The following SRP68 variants were observed in gnomAD, a reference collection of about 807,000 sequenced individuals.
The protein encoded by SRP68 is signal recognition particle subunit SRP68.
A neutral mutation model predicts 82.2 loss-of-function variants in SRP68; 15 were observed. The observed-to-expected ratio is 0.18, with a 90% CI of 0.12 to 0.28. The LOEUF is 0.28. Ranked by LOEUF, SRP68 falls within the 10% of genes least tolerant of loss-of-function variation. The pLI, the probability that SRP68 is intolerant of heterozygous loss-of-function variation, is 1.00. For missense variants in SRP68, 595 were observed against 780.5 expected (o/e 0.76, Z 2.83); for synonymous variants, 261 against 292.6 (o/e 0.89, Z 1.10).
In SRP68 at chr17:76,072,095, G is replaced by A; in HGVS notation, c.184+213C>T. On this transcript the variant is annotated intron_variant, in intron 1 of 15. Transcript: ENST00000307877. This position sits in a 1 kb window ranked among gnomAD's most constrained non-coding sequence, Gnocchi z 4.5. ...ATATCCCAGTGCCACTGGAAGAAAC[G>A]GACCTAGCCAGGACGGCGAGGGGGA... 1 of 912,266 alleles carries A rather than the reference G, an allele frequency of 1.1e-6. No individual in the cohort carries two copies. The highest frequency in any genetic ancestry group is 2.9e-5 in the Admixed American group (1 of 34,166). The allele number at this position is 912,266 out of a possible 1,614,324, so 56.5% of individuals were successfully genotyped here.
intron 8 of SRP68, chr17:76,053,495 A>G: frequency 7.1e-6 from 7 of 985,336 alleles, no homozygotes; most frequent in Non-Finnish European, 8.4e-6. Context: ...GGTACAGTTC[A>G]AGTTTAAAAC....
Position 76,039,640 on chromosome 17 carries a change from T to C in SRP68, c.*66A>G, listed in dbSNP as rs1055749719. On this transcript the variant is annotated 3_prime_UTR_variant, in exon 16 of 16. Transcript: ENST00000307877. ...GACCTGGATTTAATATCATGGAACTTGCTGGGATTTTCTCACAATACAGAT... is the reference window on the plus strand; with the variant it reads ...GACCTGGATTTAATATCATGGAACTCGCTGGGATTTTCTCACAATACAGAT... The C allele has an allele frequency of 1.3e-5, 19 of 1,496,642 alleles. No homozygotes were observed. Among genetic ancestry groups the C allele is most frequent in the Middle Eastern group, 1.7e-4 (1 of 5,812 alleles). 92.7% of individuals were successfully genotyped at this position (1,496,642 alleles called of 1,614,324 possible). A position where few individuals can be genotyped will look rare whatever the true frequency, so the allele number is the denominator to read the frequency against.
In SRP68 at chr17:76,072,166, A is replaced by T; in HGVS notation, c.184+142T>A. 7.2e-6 allele frequency: 10 copies of T among 1,392,420 alleles called. No individual in the cohort carries two copies. Among genetic ancestry groups the T allele is most frequent in the Non-Finnish European group, 8.7e-6 (9 of 1,028,808 alleles). 86.3% of individuals were successfully genotyped at this position (1,392,420 alleles called of 1,614,324 possible). ...GAGACAGACCCCCCCCGGAATTCTGAGCACCAAAAGGTAAGGGCGAGAGAA... is the reference window on the plus strand; with the variant it reads ...GAGACAGACCCCCCCCGGAATTCTGTGCACCAAAAGGTAAGGGCGAGAGAA... On this transcript the variant is annotated intron_variant, in intron 1 of 15. Transcript: ENST00000307877. The surrounding 1 kb of genome is among the most constrained non-coding windows in gnomAD (Gnocchi z 4.5).
intron 6 of SRP68, chr17:76,060,630 G>T (rs1340025779): frequency 1.5e-5 from 7 of 462,662 alleles, no homozygotes; most frequent in African/African-American, 2.0e-5. Flanking sequence ...CAAACCCATA[G>T]AATGTACAAC....
intron 3 of SRP68, among the ~76,000 whole-genome samples, chr17:76,065,623 T>C (rs1235107460): frequency 1.3e-5 from 2 of 151,984 alleles, no homozygotes; most frequent in East Asian, 3.9e-4. Flanking sequence ...AGCTTTACAG[T>C]TCCTAGACTG....
At chr17:76,051,141 T>A (rs1393216410) in intron 8 of SRP68, among the ~76,000 whole-genome samples, 1 of 152,230 alleles carries the variant, frequency 6.6e-6, no homozygotes, top group Non-Finnish European at 1.5e-5. Context: ...TGCACTCAGA[T>A]ATTCCACATG....
At chr17:76,052,653 A>T (rs891615283) in intron 8 of SRP68, among the ~76,000 whole-genome samples, 9 of 151,764 alleles carry the variant, frequency 5.9e-5, no homozygotes, top group Admixed American at 4.6e-4. Context: ...AAATACAAAA[A>T]ATTAGCTGGG....
chr17:76,070,627 G>A (rs1188851581), intron 1 of SRP68, among the ~76,000 whole-genome samples, 183 bp from the exon 2 acceptor site: 2 of 152,116 alleles, frequency 1.3e-5, no homozygotes, highest in African/African-American at 4.8e-5. Flanking sequence ...TATCACCTGA[G>A]GTCAGGAGTT....
At chr17:76,070,283 T>C in intron 2 of SRP68, 95 bp downstream of exon 2, 2 of 923,092 alleles carry the variant, frequency 2.2e-6, no homozygotes, top group Non-Finnish European at 3.4e-6. Flanking sequence ...CTAGACTTTC[T>C]AGCATATTTG....
At chr17:76,069,221 C>G (rs2066830189) in intron 2 of SRP68, among the ~76,000 whole-genome samples, 2 of 150,960 alleles carry the variant, frequency 1.3e-5, no homozygotes, top group South Asian at 4.2e-4. Flanking sequence ...AACCCCATCT[C>G]TACTAAAAAT....
intron 2 of SRP68, among the ~76,000 whole-genome samples, chr17:76,068,555 C>G (rs770601980): frequency 9.2e-5 from 14 of 151,766 alleles, no homozygotes; most frequent in Non-Finnish European, 1.6e-4. Context: ...TAAGATGACA[C>G]CAAACATATG....
intron 2 of SRP68, 34 bp from the exon 3 acceptor site, chr17:76,067,364 A>T: frequency 2.1e-6 from 3 of 1,457,932 alleles, no homozygotes; most frequent in African/African-American, 1.4e-5. Flanking sequence ...TCACTCAGCC[A>T]AGCTGAGAGT....
chr17:76,062,977 A>G lies in SRP68; in HGVS notation c.561+999T>C, dbSNP rs556893085. Among the ~76,000 whole-genome samples, 531 of 150,606 alleles carry G rather than the reference A, an allele frequency of 3.5e-3. 1 individual carries two copies. Among genetic ancestry groups the G allele is most frequent in the Non-Finnish European group, 4.5e-3 (304 of 67,806 alleles). On this transcript the variant is annotated intron_variant, in intron 4 of 15. Coordinates refer to ENST00000307877, the MANE Select transcript of SRP68 (RefSeq NM_014230.4). Reference sequence around the variant, plus strand: ...AGTAGAGATGGGGTTTCACCGTGTTAGCCAGGATGGTCTCGATCTCCTGAC... The same window carrying G: ...AGTAGAGATGGGGTTTCACCGTGTTGGCCAGGATGGTCTCGATCTCCTGAC...
rs371417979 is a variant in SRP68 at position 76,057,448 on chromosome 17, G to A, written c.933C>T (p.Arg311=). 5.0e-6 allele frequency: 8 copies of A among 1,614,156 alleles called. No individual in the cohort carries two copies. The highest frequency in any genetic ancestry group is 4.4e-5 in the South Asian group (4 of 91,088). ...TATCAGCCAGTCCTAATAAGAAAAT[G>A]CGCACTTTGTCAATCTTCACTGGAA... ...RTVPVKIDKV[R]IFLLGLADNE... The change falls in exon 8 of 16, where the codon CGC becomes CGT. Residue 311 remains arginine (R), a synonymous_variant. Transcript: ENST00000307877.
intron 4 of SRP68, among the ~76,000 whole-genome samples, chr17:76,062,535 ACATTATATAT>A (rs1425242577): frequency 3.5e-5 from 4 of 115,242 alleles, no homozygotes; most frequent in African/African-American, 1.1e-4. Flanking sequence ...TATATAATAT[ACATTATATAT>A]TATATAATAT....
At chr17:76,066,151 T>C (rs1398597663) in intron 3 of SRP68, among the ~76,000 whole-genome samples, 1 of 152,020 alleles carries the variant, frequency 6.6e-6, no homozygotes, top group Non-Finnish European at 1.5e-5. Flanking sequence ...AAGACTCTTC[T>C]ATAATAATTT....
Position 76,051,117 on chromosome 17 carries a change from C to T in SRP68, c.979-591G>A, listed in dbSNP as rs545892981. On this transcript the variant is annotated intron_variant, in intron 8 of 15. Coordinates refer to ENST00000307877, the MANE Select transcript of SRP68 (RefSeq NM_014230.4). The stretch of plus-strand genomic sequence containing the variant: ...CCTAAATATCACACTAAGTTCTTTT[C>T]GCCACAGACGTGCTGCACTCAGATA... 8.5e-5 allele frequency among the ~76,000 whole-genome samples: 13 copies of T among 152,328 alleles called. No homozygotes were observed. In the South Asian group the frequency reaches 2.5e-3, roughly 29 times the overall value.
chr17:76,070,879 C>CACACACACACAA (rs2066848128), intron 1 of SRP68, among the ~76,000 whole-genome samples: 1 of 150,402 alleles, frequency 6.6e-6, no homozygotes, highest in Admixed American at 6.6e-5. Flanking sequence ...CACACACACA[C>CACACACACACAA]AAATTTGTGA....
At chr17:76,059,359 A>G (rs963820854) in intron 7 of SRP68, among the ~76,000 whole-genome samples, 2 of 151,988 alleles carry the variant, frequency 1.3e-5, no homozygotes, top group African/African-American at 2.4e-5. Flanking sequence ...CCTGGCCAAC[A>G]TGGTGAAACC....
Sources: gnomAD v4.1 joint callset for allele counts (sites outside exome capture counted in the v4.1 genomes callset) on GRCh38, gnomAD v4.1.1 for gene constraint, Gnocchi (gnomAD v3.1) non-coding constraint, MANE v1.5 for transcripts, NCBI Gene and HGNC (gene_info 2026-07-23, HGNC 2026-07-21) for gene names.